RBFOX1: variants seen among roughly 807,000 people sequenced by gnomAD.
RBFOX1 encodes RNA binding fox-1 homolog 1.
Under a neutral mutation model 57.7 loss-of-function variants are expected in RBFOX1, and 8 were observed. The ratio of observed to expected loss-of-function variants is 0.14; its 90% confidence interval spans 0.08 to 0.25. The LOEUF (loss-of-function observed/expected upper bound fraction) is 0.25. RBFOX1 is among the 10% of genes least tolerant of loss of function. RBFOX1 has a pLI of 1.00. For synonymous variants in RBFOX1, 326 were observed against 222.4 expected (o/e 1.47, Z -4.15); for missense variants, 611 against 548.5 (o/e 1.11, Z -1.14).
intron 3 of RBFOX1, among the ~76,000 whole-genome samples, chr16:6,733,717 CA>C (rs2069275936): frequency 6.6e-6 from 1 of 151,992 alleles, no homozygotes; most frequent in African/African-American, 2.4e-5. Flanking sequence ...GAGATCACAC[CA>C]CTGCACTCCA....
chr16:5,665,738 G>C, intron 3 of RBFOX1, among the ~76,000 whole-genome samples: 1 of 152,200 alleles, frequency 6.6e-6, no homozygotes, highest in East Asian at 1.9e-4. Flanking sequence ...ACAGATCCTG[G>C]AAAACTCAGC....
intron 3 of RBFOX1, among the ~76,000 whole-genome samples, chr16:5,702,113 A>C (rs1413875607): frequency 6.6e-6 from 1 of 152,168 alleles, no homozygotes; most frequent in East Asian, 1.9e-4. Flanking sequence ...TATTTATCCC[A>C]TTCTCACACT....
chr16:7,053,653 T>A (rs926407261), intron 4 of RBFOX1, among the ~76,000 whole-genome samples: 3 of 152,192 alleles, frequency 2.0e-5, no homozygotes, highest in Non-Finnish European at 4.4e-5. Flanking sequence ...TTTTGAGGGA[T>A]TATTTCCCAT....
chr16:7,214,456 G>C (rs976672957), intron 4 of RBFOX1, among the ~76,000 whole-genome samples: 2 of 151,846 alleles, frequency 1.3e-5, no homozygotes, highest in Non-Finnish European at 2.9e-5. Context: ...ACCGTGTCTT[G>C]CCATGCCTCT....
intron 4 of RBFOX1, among the ~76,000 whole-genome samples, chr16:7,514,967 A>G (rs557346417): frequency 8.5e-5 from 13 of 152,222 alleles, no homozygotes; most frequent in African/African-American, 3.1e-4. Flanking sequence ...CATTGTCTGT[A>G]CCACTGCTTA....
chr16:6,105,301 C>T (rs186662537), intron 1 of RBFOX1, among the ~76,000 whole-genome samples: 15 of 152,208 alleles, frequency 9.9e-5, no homozygotes, highest in Admixed American at 3.3e-4. Context: ...CCATTTGTAA[C>T]GCATGATTCA....
intron 3 of RBFOX1, among the ~76,000 whole-genome samples, chr16:7,032,148 G>A (rs1802210661): frequency 6.6e-6 from 1 of 151,990 alleles, no homozygotes; most frequent in South Asian, 2.1e-4. Context: ...ATCTTGGCGG[G>A]GTGCGGTGGC....
chr16:5,445,261 G>C (rs983469752), intron 1 of RBFOX1, among the ~76,000 whole-genome samples: 1 of 152,150 alleles, frequency 6.6e-6, no homozygotes, highest in Non-Finnish European at 1.5e-5. Flanking sequence ...AAATCAACAG[G>C]ACATGGTATT....
At chr16:7,016,578 C>G (rs1484808182) in intron 3 of RBFOX1, among the ~76,000 whole-genome samples, 1 of 152,194 alleles carries the variant, frequency 6.6e-6, no homozygotes, top group African/African-American at 2.4e-5. Context: ...CACGTAATTC[C>G]TCCAGCCACA....
At chr16:5,366,635 G>A (rs997528287) in intron 1 of RBFOX1, 3 of 421,502 alleles carry the variant, frequency 7.1e-6, no homozygotes, top group South Asian at 1.9e-5. Context: ...AATTGCTTCT[G>A]GATGACTGAC....
chr16:7,031,683 G>C (rs1330881225), intron 3 of RBFOX1, among the ~76,000 whole-genome samples: 3 of 152,118 alleles, frequency 2.0e-5, no homozygotes, highest in East Asian at 3.9e-4. Context: ...GGATTGGCGA[G>C]ATAATCCAGT....
intron 2 of RBFOX1, among the ~76,000 whole-genome samples, chr16:5,507,023 G>A (rs1297937626): frequency 6.6e-6 from 1 of 151,934 alleles, no homozygotes; most frequent in Admixed American, 6.5e-5. Flanking sequence ...TCTTCATAAT[G>A]GACCCCTGGA....
chr16:7,028,601 CACACACACAAAAAAAAAA>C (rs1339545276), intron 3 of RBFOX1, among the ~76,000 whole-genome samples: 7 of 45,002 alleles, frequency 1.6e-4, no homozygotes, highest in African/African-American at 6.1e-4. Context: ...CACACACACA[CACACACACAAAAAAAAAA>C]AAAAAAAAAA....
chr16:5,982,220 T>C (rs995320487), intron 4 of RBFOX1, among the ~76,000 whole-genome samples: 7 of 152,168 alleles, frequency 4.6e-5, no homozygotes, highest in African/African-American at 7.2e-5. Context: ...GCCGCCAAGT[T>C]GTTTCTGGAA....
intron 3 of RBFOX1, among the ~76,000 whole-genome samples, chr16:6,937,006 TG>T (rs777684130): frequency 1.3e-5 from 2 of 150,788 alleles, no homozygotes; most frequent in African/African-American, 2.4e-5. Flanking sequence ...GACGAGTTAG[TG>T]GGGGTAGCAC....
chr16:6,054,847 A>G (rs879726318), intron 1 of RBFOX1, among the ~76,000 whole-genome samples: 8 of 152,002 alleles, frequency 5.3e-5, no homozygotes, highest in East Asian at 1.9e-4. Flanking sequence ...CAGTGACACA[A>G]TCTTGGTTCA....
intron 4 of RBFOX1, among the ~76,000 whole-genome samples, chr16:7,398,293 T>C (rs1367819120): frequency 1.3e-5 from 2 of 150,570 alleles, no homozygotes; most frequent in Non-Finnish European, 2.9e-5. Flanking sequence ...GGGTGACACT[T>C]ACAGGATGCT....
chr16:6,440,876 G>T (rs1216364901), intron 2 of RBFOX1, among the ~76,000 whole-genome samples: 1 of 151,848 alleles, frequency 6.6e-6, no homozygotes, highest in Non-Finnish European at 1.5e-5. Flanking sequence ...AAGTGCAACA[G>T]TGAACAGTAT....
At chr16:5,846,809 C>G (rs191471826) in intron 3 of RBFOX1, among the ~76,000 whole-genome samples, 1 of 151,932 alleles carries the variant, frequency 6.6e-6, no homozygotes, top group African/African-American at 2.4e-5. Context: ...CTCCAGGAAG[C>G]CCCTCAAATG....
Sources: gnomAD v4.1 joint callset for allele counts (sites outside exome capture counted in the v4.1 genomes callset) on GRCh38, gnomAD v4.1.1 for gene constraint, MANE v1.5 for transcripts, NCBI Gene and HGNC (gene_info 2026-07-23, HGNC 2026-07-21) for gene names.